CCDC73: variants seen among roughly 807,000 people sequenced by gnomAD.
The protein encoded by CCDC73 is coiled-coil domain containing 73.
CCDC73 carries 95 observed loss-of-function variants against 116.5 expected under a neutral mutation model. The observed-to-expected ratio is 0.82, with a 90% CI of 0.69 to 0.97. CCDC73 has a LOEUF of 0.97. Ranked by LOEUF, CCDC73 falls within the 50% of genes least tolerant of loss-of-function variation. The pLI, the probability that CCDC73 is intolerant of heterozygous loss-of-function variation, is 0.00. For missense variants in CCDC73, 1,066 were observed against 1,206.8 expected, an observed-to-expected ratio of 0.88 and a Z score of 1.73; for synonymous variants, 398 against 401.3, an observed-to-expected ratio of 0.99 and a Z score of 0.10.
At chr11:32,665,085 G>C (rs961355812) in intron 9 of CCDC73, among the ~76,000 whole-genome samples, 37 of 152,258 alleles carry the variant, frequency 2.4e-4, no homozygotes, top group African/African-American at 8.9e-4. Flanking sequence ...CAACTATGTG[G>C]TCAATTTTGG....
At chr11:32,733,695 G>A (rs1796333936) in intron 2 of CCDC73, among the ~76,000 whole-genome samples, 1 of 152,164 alleles carries the variant, frequency 6.6e-6, no homozygotes, top group Admixed American at 6.6e-5. Context: ...AATGAAGGCA[G>A]AAATAAAGAT....
intron 9 of CCDC73, among the ~76,000 whole-genome samples, chr11:32,669,316 T>A (rs1856015031): frequency 6.6e-6 from 1 of 152,282 alleles, no homozygotes. Context: ...GCTCAACTGA[T>A]TTTTTTAATT....
intron 7 of CCDC73, among the ~76,000 whole-genome samples, chr11:32,679,028 T>C (rs1856119835): frequency 6.6e-6 from 1 of 152,178 alleles, no homozygotes; most frequent in Non-Finnish European, 1.5e-5. Flanking sequence ...TTTTTAATGA[T>C]TTTAAACATG....
At chr11:32,680,516 T>C (rs918794602) in intron 7 of CCDC73, 14 of 152,086 alleles carry the variant, frequency 9.2e-5, no homozygotes, top group African/African-American at 3.1e-4. Flanking sequence ...AGCGGAAAAA[T>C]AGCATATCCA....
At chr11:32,817,736 C>T in the CCDC73 span, among the ~76,000 whole-genome samples, 1 of 152,124 alleles carries the variant, frequency 6.6e-6, no homozygotes, top group African/African-American at 2.4e-5. Flanking sequence ...CCACATATTG[C>T]TAATCTTATT....
intron 3 of CCDC73, among the ~76,000 whole-genome samples, chr11:32,708,619 C>T (rs1416357417): frequency 6.6e-6 from 1 of 152,076 alleles, no homozygotes; most frequent in Non-Finnish European, 1.5e-5. Flanking sequence ...GGTCTTCCAT[C>T]TCCTTGGTTA....
intron 7 of CCDC73, chr11:32,681,986 T>G (rs941939376): frequency 2.0e-5 from 3 of 151,914 alleles, no homozygotes; most frequent in Non-Finnish European, 4.4e-5. Flanking sequence ...TGCAATGCTT[T>G]AAACTGTCAG....
rs575025316 is a variant in CCDC73, at chr11:32,687,114, T to C, written c.391-3540A>G. ...GAATTTATTTTAGTTGGGAATAAAG[T>C]CCCCCAAATACTGTGCTTAAAACAT... On this transcript the variant is annotated intron_variant, in intron 6 of 17. Coordinates refer to ENST00000335185, the MANE Select transcript of CCDC73 (RefSeq NM_001008391.4). Among the ~76,000 whole-genome samples the C allele has an allele frequency of 2.6e-5, 4 of 152,294 alleles. No individual in the cohort carries two copies. The East Asian group carries it at 7.7e-4, about 29-fold the overall frequency.
chr11:32,744,883 GT>G (rs1850220795), intron 2 of CCDC73, among the ~76,000 whole-genome samples: 1 of 151,952 alleles, frequency 6.6e-6, no homozygotes, highest in African/African-American at 2.4e-5. Context: ...TTTTTGAAGG[GT>G]TTTTTGTATC....
chr11:32,698,010 A>ATTTTTTTTTT lies in CCDC73; in HGVS notation c.390+1240_390+1241insAAAAAAAAAA. On this transcript the variant is annotated intron_variant, in intron 6 of 17. Coordinates refer to ENST00000335185, the MANE Select transcript of CCDC73 (RefSeq NM_001008391.4). ...TCTGTTGTTTCTTTGTCTAACACTG[A>ATTTTTTTTTT]ATTTTTTTTTTTTTTTTTTTTTTTT... 3.4e-5 allele frequency among the ~76,000 whole-genome samples: 4 copies of ATTTTTTTTTT among 117,758 alleles called. 2 individuals are homozygous for ATTTTTTTTTT. The highest frequency in any genetic ancestry group is 3.4e-5 in the Non-Finnish European group (2 of 58,050). 77.3% of individuals were successfully genotyped at this position (117,758 alleles called of 152,430 possible). A position where few individuals can be genotyped will look rare whatever the true frequency, so the allele number is the denominator to read the frequency against.
At chr11:32,745,091 T>A (rs1294032083) in intron 2 of CCDC73, among the ~76,000 whole-genome samples, 2 of 152,208 alleles carry the variant, frequency 1.3e-5, no homozygotes, top group Non-Finnish European at 2.9e-5. Context: ...TCCAAAAGAC[T>A]CTGGTACATT....
chr11:32,792,183 C>A (rs950205244), intron 1 of CCDC73, among the ~76,000 whole-genome samples: 1 of 152,014 alleles, frequency 6.6e-6, no homozygotes, highest in Non-Finnish European at 1.5e-5. Context: ...AAAAATAGGA[C>A]CCCACGGTCT....
intron 2 of CCDC73, among the ~76,000 whole-genome samples, chr11:32,751,355 C>T (rs142379807): frequency 4.3e-4 from 65 of 152,240 alleles, no homozygotes; most frequent in Middle Eastern, 6.8e-3. Flanking sequence ...CCAATGGCTC[C>T]GAGACCAGTC....
At chr11:32,717,024 T>C (rs1243621853) in intron 3 of CCDC73, among the ~76,000 whole-genome samples, 2 of 152,240 alleles carry the variant, frequency 1.3e-5, no homozygotes, top group Non-Finnish European at 2.9e-5. Context: ...CCTCCACAGA[T>C]AGGTCTGTTT....
At chr11:32,637,768 G>C (rs1855695762) in intron 13 of CCDC73, among the ~76,000 whole-genome samples, 2 of 151,908 alleles carry the variant, frequency 1.3e-5, no homozygotes, top group African/African-American at 4.8e-5. Context: ...CTTCCTTCAA[G>C]TGTTCCACTC....
intron 1 of CCDC73, among the ~76,000 whole-genome samples, chr11:32,765,096 T>G (rs11031970): frequency 0.58 from 87,346 of 151,876 alleles, 25,433 homozygotes; most frequent in East Asian, 0.84. Flanking sequence ...CAATACAGGA[T>G]CACCCAGATT....
chr11:32,742,037 T>C (rs1045358493), intron 2 of CCDC73, among the ~76,000 whole-genome samples: 1 of 152,182 alleles, frequency 6.6e-6, no homozygotes, highest in Non-Finnish European at 1.5e-5. Context: ...ATGTGCCACA[T>C]TTTCTTAATC....
intron 6 of CCDC73, among the ~76,000 whole-genome samples, chr11:32,686,588 C>T (rs1856204319): frequency 6.6e-6 from 1 of 152,094 alleles, no homozygotes; most frequent in Admixed American, 6.6e-5. Context: ...TTACTCTAAT[C>T]CTGAATTTAT....
intron 2 of CCDC73, among the ~76,000 whole-genome samples, chr11:32,759,327 C>CTTTTTTTTTTTTTTTTTTTTTTTTTTTT (rs1208029392): frequency 7.7e-6 from 1 of 129,958 alleles, no homozygotes; most frequent in Non-Finnish European, 1.6e-5. Context: ...ACATTTTTTC[C>CTTTTTTTTTTTTTTTTTTTTTTTTTTTT]TTTTTTTTTT....
Sources: gnomAD v4.1 joint callset for allele counts (sites outside exome capture counted in the v4.1 genomes callset) on GRCh38, gnomAD v4.1.1 for gene constraint, MANE v1.5 for transcripts, NCBI Gene and HGNC (gene_info 2026-07-23, HGNC 2026-07-21) for gene names.